The following IGSF9 variants were observed in gnomAD, a reference collection of about 807,000 sequenced individuals.
IGSF9 encodes immunoglobulin superfamily member 9, also known as protein turtle homolog A.
In IGSF9, 87 loss-of-function variants were observed where a neutral mutation model predicts 121.7. That is an observed-to-expected ratio of 0.71 (90% confidence interval 0.60 to 0.85). IGSF9 has a LOEUF of 0.85. Ranked by LOEUF, IGSF9 falls within the 40% of genes least tolerant of loss-of-function variation. The pLI is 0.00. For missense variants in IGSF9, 1,462 were observed against 1,565.3 expected, an observed-to-expected ratio of 0.93 and a Z score of 1.11; for synonymous variants, 640 against 648.4, an observed-to-expected ratio of 0.99 and a Z score of 0.20.
chr1:159,929,572 G>A (rs1229731833), intron 17 of IGSF9, 66 bp downstream of exon 17: 2 of 1,527,934 alleles, frequency 1.3e-6, no homozygotes, highest in Non-Finnish European at 1.8e-6. Context: ...TTTCCCCCAG[G>A]TAGGAGGGGC....
chr1:159,933,394 G>A lies in IGSF9; in HGVS notation c.1105-742C>T, dbSNP rs553370304. On this transcript the variant is annotated intron_variant, in intron 9 of 20. Transcript: ENST00000368094. ...GAGTACTATTGTTGTAGAAGCCCCA[G>A]GTACACTATGATGAAAAGATGCAAT... The A allele has an allele frequency of 8.5e-5, 13 of 152,338 alleles. No individual in the cohort carries two copies. The East Asian group carries it at 2.5e-3, about 29-fold the overall frequency. 9.4% of individuals were successfully genotyped at this position (152,338 alleles called of 1,614,324 possible).
chr1:159,927,208 A>G lies in IGSF9; in HGVS notation c.*137T>C. ...CATACATTCCATACCAAGGTGACCC[A>G]AACCCACTATCAGGGTCTGTGCCTG... On this transcript the variant is annotated 3_prime_UTR_variant, in exon 21 of 21. Coordinates refer to ENST00000368094, the MANE Select transcript of IGSF9 (RefSeq NM_001135050.2). 1 of 1,051,272 alleles carries G rather than the reference A, an allele frequency of 9.5e-7. No homozygotes were observed. The allele number at this position is 1,051,272 out of a possible 1,614,324, so 65.1% of individuals were successfully genotyped here. A position where few individuals can be genotyped will look rare whatever the true frequency, so the allele number is the denominator to read the frequency against.
intron 3 of IGSF9, among the ~76,000 whole-genome samples, chr1:159,938,370 T>A (rs951914980): frequency 1.3e-5 from 2 of 152,112 alleles, no homozygotes; most frequent in African/African-American, 4.8e-5. Context: ...CGCCTTAGGG[T>A]GGCCAGAGTC....
In IGSF9 at chr1:159,928,595, G is replaced by C; in HGVS notation, c.2793C>G (p.Phe931Leu). The C allele has an allele frequency of 6.6e-7, 1 of 1,509,466 alleles. No individual in the cohort carries two copies. The highest frequency in any genetic ancestry group is 8.9e-7 in the Non-Finnish European group (1 of 1,127,422). 93.5% of individuals were successfully genotyped at this position (1,509,466 alleles called of 1,614,324 possible). ...GPLLQYLSLP[F>L]FREMNVDGDW... ...CCCCATCCACATTCATCTCTCGGAA[G>C]AAGGGCAGGCTCAGGTACTGGAGCA... The change falls in exon 19 of 21, where the codon TTC becomes TTG. Residue 931 changes from phenylalanine to leucine, a missense_variant. Transcript: ENST00000368094.
In IGSF9 at chr1:159,930,946, T is replaced by C. The variant is rs1318478433; in HGVS notation, c.1638-79A>G. ...TCTGGGGTCCAGAGATCTAACCACC[T>C]CCCCTCTGCTCAACCATCCAAGGTC... is the stretch of plus-strand genomic sequence containing the variant. On this transcript the variant is annotated intron_variant, in intron 13 of 20. Transcript: ENST00000368094. The C allele has an allele frequency of 4.8e-6, 7 of 1,447,578 alleles. No individual in the cohort carries two copies. In the East Asian group the frequency reaches 1.7e-4, roughly 35 times the overall value. 89.7% of individuals were successfully genotyped at this position (1,447,578 alleles called of 1,614,324 possible).
Position 159,929,702 on chromosome 1 carries a change from G to C in IGSF9, c.2262C>G (p.Ile754Met). ...CFLGVAVLVS[I>M]LAGCLLNRRR... ...GCCGGTTCAGGAGGCAGCCGGCCAG[G>C]ATGCTCACAAGGACGGCCACTCCCA... Residue 754 changes from isoleucine (I) to methionine (M), a missense_variant, in exon 17 of 21, where the codon ATC (isoleucine) becomes ATG (methionine). Physicochemically the swap from Ile to Met is conservative, Grantham distance 10. Transcript: ENST00000368094. 6.3e-7 allele frequency: 1 copy of C among 1,599,774 alleles called. No homozygotes were observed. The highest frequency in any genetic ancestry group is 2.3e-5 in the East Asian group (1 of 44,184).
rs1651011487 is a variant in IGSF9 at position 159,931,859 on chromosome 1, G to T, written c.1315C>A (p.Pro439Thr). 3 of 1,596,710 alleles carry T rather than the reference G, an allele frequency of 1.9e-6. No homozygotes were observed. The highest frequency in any genetic ancestry group is 3.7e-5 in the Admixed American group (2 of 54,596). The change falls in exon 11 of 21, where the codon CCC (proline) becomes ACC (threonine). Residue 439 changes from proline (P) to threonine (T), a missense_variant. Around this residue, in one of 3 missense-constraint regions of IGSF9, gnomAD observed 558 missense variants for 599.4 expected, o/e 0.93. Transcript: ENST00000368094. The surrounding 1 kb of genome is among the most constrained non-coding windows in gnomAD (Gnocchi z 4.8). The stretch of plus-strand genomic sequence containing the variant: ...GGAGGGTCCCCTTGGGCGGAGCAGG[G>T]GATGAGCAGCTCCCGCCCTACTTCT... Reference protein sequence around the residue: ...FQEVGRELLIPCSAQGDPPPV... With the variant: ...FQEVGRELLITCSAQGDPPPV...
At chr1:159,940,501 C>T (rs1053559734) in intron 3 of IGSF9, among the ~76,000 whole-genome samples, 1 of 152,144 alleles carries the variant, frequency 6.6e-6, no homozygotes, top group African/African-American at 2.4e-5. Flanking sequence ...TATGCAGCGG[C>T]GTGTGAAGAA....
rs1042907959 is a variant in IGSF9 at position 159,936,479 on chromosome 1, C to T, written c.593G>A (p.Arg198Gln). 9 of 1,613,820 alleles carry T rather than the reference C, an allele frequency of 5.6e-6. No homozygotes were observed. The highest frequency in any genetic ancestry group is 4.0e-5 in the African/African-American group (3 of 74,900). Residue 198 changes from arginine (R) to glutamine (Q), a missense_variant, in exon 6 of 21, where the codon CGA (arginine) becomes CAA (glutamine). By Grantham distance (43) the Arg-to-Gln change is conservative (BLOSUM62 1). This residue lies in a region of IGSF9 where 558 missense variants were observed against 599.4 expected (regional missense o/e 0.93). Coordinates refer to ENST00000368094, the MANE Select transcript of IGSF9 (RefSeq NM_001135050.2). ...GCAGGTGTAGACCCCAGAGCTGCCTCGCTCTACCCGGCGGATCCGCAGCGT... is the reference window on the plus strand; with the variant it reads ...GCAGGTGTAGACCCCAGAGCTGCCTTGCTCTACCCGGCGGATCCGCAGCGT... ...NGTLRIRRVE[R>Q]GSSGVYTCQA...
chr1:159,940,958 G>C (rs2101882932), intron 3 of IGSF9, among the ~76,000 whole-genome samples: 1 of 152,272 alleles, frequency 6.6e-6, no homozygotes, highest in African/African-American at 2.4e-5. Flanking sequence ...CAGAGGCCTG[G>C]TCATGGGTTC....
At chr1:159,943,330 T>C (rs1164686715) in intron 2 of IGSF9, 67 bp downstream of exon 2, 1 of 1,444,636 alleles carries the variant, frequency 6.9e-7, no homozygotes, top group African/African-American at 1.4e-5. Flanking sequence ...AGAGGAACCC[T>C]TGAGGAACAC....
Position 159,930,324 on chromosome 1 carries a change from C to T in IGSF9, c.1929G>A (p.Trp643Ter). The T allele has an allele frequency of 6.2e-7, 1 of 1,613,170 alleles. No individual in the cohort carries two copies. ...TCTTAGGGACCAGCTCTGGGGGATC[C>T]CAATGCAGGAGTACCCCCCGGGGTG... is the stretch of plus-strand genomic sequence containing the variant. ...VRTPRGVLLHWDPPELVPKRL... is the reference protein window; with the variant it reads ...VRTPRGVLLH Residue 643 changes from tryptophan (W) to a stop codon, truncating the protein, a stop_gained, in exon 15 of 21, where the codon TGG becomes TGA. Coordinates refer to ENST00000368094, the MANE Select transcript of IGSF9 (RefSeq NM_001135050.2). LOFTEE classifies it high-confidence loss of function.
Position 159,928,456 on chromosome 1 carries a change from T to C in IGSF9, c.2932A>G (p.Arg978Gly). 6.3e-7 allele frequency: 1 copy of C among 1,596,532 alleles called. No individual in the cohort carries two copies. Among genetic ancestry groups the C allele is most frequent in the Non-Finnish European group, 8.5e-7 (1 of 1,169,870 alleles). Reference protein sequence around the residue: ...RSPETPPVSPRESLPGAVVGA... With the variant: ...RSPETPPVSPGESLPGAVVGA... ...ACCACAGCCCCAGGAAGTGATTCCC[T>C]GGGGGATACAGGAGGGGTTTCTGGA... Residue 978 changes from arginine (R) to glycine (G), a missense_variant, in exon 19 of 21, where the codon AGG (arginine) becomes GGG (glycine). Around this residue, in one of 3 missense-constraint regions of IGSF9, gnomAD observed 808 missense variants for 815.2 expected, o/e 0.99. Coordinates refer to ENST00000368094, the MANE Select transcript of IGSF9 (RefSeq NM_001135050.2).
At chr1:159,935,473 C>T (rs1482679682) in intron 6 of IGSF9, among the ~76,000 whole-genome samples, 1 of 152,190 alleles carries the variant, frequency 6.6e-6, no homozygotes, top group African/African-American at 2.4e-5. Flanking sequence ...CATGCCTTTG[C>T]TCCCTGCACC....
chr1:159,943,236 C>T lies in IGSF9; in HGVS notation c.59-85G>A, dbSNP rs1296079907. 43 of 1,353,640 alleles carry T rather than the reference C, an allele frequency of 3.2e-5. No homozygotes were observed. In the East Asian group the frequency reaches 8.9e-4, roughly 28 times the overall value. 83.9% of individuals were successfully genotyped at this position (1,353,640 alleles called of 1,614,324 possible). A position where few individuals can be genotyped will look rare whatever the true frequency, so the allele number is the denominator to read the frequency against. ...GTGCCATCAGTATCTCTGTAGGCAC[C>T]TTAGGACTTTGGGTGACTGGAGAAA... On this transcript the variant is annotated intron_variant, in intron 2 of 20. Transcript: ENST00000368094.
Position 159,929,982 on chromosome 1 carries a change from T to C in IGSF9, c.2065-7A>G. 1 of 1,592,514 alleles carries C rather than the reference T, an allele frequency of 6.3e-7. No individual in the cohort carries two copies. The highest frequency in any genetic ancestry group is 8.5e-7 in the Non-Finnish European group (1 of 1,170,792). On this transcript the variant is annotated splice_polypyrimidine_tract_variant and splice_region_variant and intron_variant, in intron 15 of 20. Coordinates refer to ENST00000368094, the MANE Select transcript of IGSF9 (RefSeq NM_001135050.2). ...GGAACTCGTAGAGAACATCCTGCGA[T>C]GGGGATGGGGTACCAGGAGGGAGGT...
intron 3 of IGSF9, among the ~76,000 whole-genome samples, chr1:159,939,914 A>G (rs1651320808): frequency 6.6e-6 from 1 of 152,202 alleles, no homozygotes. Context: ...GGATTCCTCA[A>G]GAAAGCTAAT....
At position 159,929,372 on chromosome 1, in the gene IGSF9, G is replaced by T. The variant is rs770255412; in HGVS notation, c.2348C>A (p.Pro783Gln). The T allele has an allele frequency of 6.2e-5, 100 of 1,614,122 alleles. No homozygotes were observed. The highest frequency in any genetic ancestry group is 8.3e-5 in the Non-Finnish European group (98 of 1,179,994). Residue 783 changes from proline (P) to glutamine (Q), a missense_variant, in exon 18 of 21, where the codon CCG (proline) becomes CAG (glutamine). Coordinates refer to ENST00000368094, the MANE Select transcript of IGSF9 (RefSeq NM_001135050.2). ...LRQDPPLIFS[P>Q]TGKSAAPSAL... ...TTACGGTGCAGCTGACTTCCCGGTC[G>T]GAGAGAAGATAAGAGGTGGATCTGG...
intron 20 of IGSF9, 96 bp downstream of exon 20, chr1:159,927,664 A>T (rs1333983773): frequency 2.6e-6 from 4 of 1,549,296 alleles, no homozygotes; most frequent in Non-Finnish European, 1.7e-6. Flanking sequence ...GGAGCCTGGG[A>T]GGCAGGGCCT....
Sources: allele counts gnomAD v4.1 joint callset (sites outside exome capture counted in the v4.1 genomes callset), GRCh38; gene constraint gnomAD v4.1.1; regional missense constraint gnomAD v4.1.1; non-coding constraint Gnocchi (gnomAD v3.1); transcripts MANE v1.5; gene names NCBI Gene and HGNC (gene_info 2026-07-23, HGNC 2026-07-21).